PLAAT3: variants seen among roughly 807,000 people sequenced by gnomAD.
The protein encoded by PLAAT3 is phospholipase A and acyltransferase 3.
PLAAT3 carries 21 observed loss-of-function variants against 16.7 expected under a neutral mutation model. The observed-to-expected ratio is 1.26, with a 90% CI of 0.89 to 1.81. The LOEUF (loss-of-function observed/expected upper bound fraction) is 1.81. Ranked by LOEUF, PLAAT3 falls within the 40% of genes most tolerant of loss-of-function variation. PLAAT3 has a pLI of 0.00. For missense variants in PLAAT3, 219 were observed against 213.7 expected (o/e 1.02, Z -0.16); for synonymous variants, 76 against 81.7 (o/e 0.93, Z 0.38).
chr11:63,611,615 A>C (rs988260201), intron 2 of PLAAT3, among the ~76,000 whole-genome samples: 3 of 152,228 alleles, frequency 2.0e-5, no homozygotes, highest in African/African-American at 7.2e-5. Flanking sequence ...AACTCCATTT[A>C]TACAGTTTAT....
At chr11:63,615,812 C>G (rs1938859580), upstream of PLAAT3, among the ~76,000 whole-genome samples, 1 of 151,780 alleles carries the variant, frequency 6.6e-6, no homozygotes, top group Non-Finnish European at 1.5e-5. Context: ...GGATTACAGA[C>G]GTGCACCACC....
intron 2 of PLAAT3, among the ~76,000 whole-genome samples, chr11:63,605,879 GAACT>G (rs148354207): frequency 0.025 from 3,728 of 152,082 alleles, 166 homozygotes; most frequent in African/African-American, 0.085. Context: ...TTTAATTTAA[GAACT>G]AACGCACTGA....
chr11:63,585,157 C>T (rs1436538493), intron 4 of PLAAT3, among the ~76,000 whole-genome samples: 2 of 151,616 alleles, frequency 1.3e-5, no homozygotes, highest in African/African-American at 2.4e-5. Flanking sequence ...CCCGAGTAGC[C>T]GGGACTACCG....
At chr11:63,589,605 A>G (rs900455424) in intron 4 of PLAAT3, among the ~76,000 whole-genome samples, 2 of 152,182 alleles carry the variant, frequency 1.3e-5, no homozygotes, top group Non-Finnish European at 2.9e-5. Context: ...TGCTGTTTAT[A>G]AGCACGATCA....
At chr11:63,597,948 C>G (rs1250685140) in intron 3 of PLAAT3, 113 bp downstream of exon 3, 1 of 723,362 alleles carries the variant, frequency 1.4e-6, no homozygotes, top group Non-Finnish European at 2.4e-6. Context: ...TCAGAGACAA[C>G]TGCCAGTTGG....
chr11:63,578,238 G>A (rs919980480), intron 4 of PLAAT3, among the ~76,000 whole-genome samples: 12 of 151,776 alleles, frequency 7.9e-5, no homozygotes, highest in South Asian at 2.1e-4. Flanking sequence ...AGCTGAGATG[G>A]TGCCACTGCA....
At chr11:63,600,526 G>A (rs555025850) in intron 2 of PLAAT3, among the ~76,000 whole-genome samples, 43 of 152,228 alleles carry the variant, frequency 2.8e-4, no homozygotes, top group African/African-American at 9.2e-4. Flanking sequence ...AGCAAGAGGC[G>A]TGAGGGAATT....
chr11:63,597,209 C>T (rs916827854), intron 3 of PLAAT3, among the ~76,000 whole-genome samples: 4 of 151,978 alleles, frequency 2.6e-5, no homozygotes, highest in African/African-American at 9.7e-5. Flanking sequence ...CCCAGCCATG[C>T]AGAACTGTGA....
Position 63,580,824 on chromosome 11 carries a change from A to G in PLAAT3, c.388-5778T>C, listed in dbSNP as rs116241341. On this transcript the variant is annotated intron_variant, in intron 4 of 4. Transcript: ENST00000415826. ...AGCTTTGAAAATAGATGGGGACTAT[A>G]AGCCAAGGAATGCCAGTATGTTGTG... Among the ~76,000 whole-genome samples, 195 of 152,354 alleles carry G rather than the reference A, an allele frequency of 1.3e-3. 1 individual carries two copies. Among genetic ancestry groups the G allele is most frequent in the African/African-American group, 4.3e-3 (178 of 41,586 alleles).
chr11:63,606,011 C>T (rs1181575549), intron 2 of PLAAT3, among the ~76,000 whole-genome samples: 2 of 152,190 alleles, frequency 1.3e-5, no homozygotes, highest in Non-Finnish European at 2.9e-5. Context: ...GGTTCTCAGA[C>T]CTGAGCCTGC....
intron 3 of PLAAT3, among the ~76,000 whole-genome samples, chr11:63,592,240 C>A (rs558612539): frequency 6.6e-6 from 1 of 151,936 alleles, no homozygotes; most frequent in Non-Finnish European, 1.5e-5. Context: ...GATCTTGGCT[C>A]GCTGCAACCT....
At chr11:63,615,140 G>GTA (rs1285666170), upstream of PLAAT3, among the ~76,000 whole-genome samples, 21 of 62,460 alleles carry the variant, frequency 3.4e-4, 4 homozygotes, top group Admixed American at 8.3e-4. Flanking sequence ...ATGTATATGT[G>GTA]TATATGTGTG....
chr11:63,581,402 TG>T (rs927803940), intron 4 of PLAAT3, among the ~76,000 whole-genome samples: 3 of 152,158 alleles, frequency 2.0e-5, no homozygotes, highest in African/African-American at 7.2e-5. Context: ...ACGGCCGCTC[TG>T]GGAGTGTCTG....
At chr11:63,603,318 A>T (rs972934238) in intron 2 of PLAAT3, among the ~76,000 whole-genome samples, 2 of 152,070 alleles carry the variant, frequency 1.3e-5, no homozygotes, top group Non-Finnish European at 2.9e-5. Flanking sequence ...ACAGTGACCA[A>T]GGCTCTCCCA....
chr11:63,577,001 A>G (rs962848656), intron 4 of PLAAT3, among the ~76,000 whole-genome samples: 2 of 152,240 alleles, frequency 1.3e-5, no homozygotes, highest in African/African-American at 4.8e-5. Context: ...AACAAATTTA[A>G]GAGGAGAAAT....
intron 4 of PLAAT3, among the ~76,000 whole-genome samples, chr11:63,579,944 C>T (rs1199902923): frequency 6.6e-6 from 1 of 150,392 alleles, no homozygotes; most frequent in Non-Finnish European, 1.5e-5. Context: ...CCATTTCCAA[C>T]CTAGAATTCT....
At chr11:63,578,287 G>GAA (rs368825272) in intron 4 of PLAAT3, among the ~76,000 whole-genome samples, 3 of 121,412 alleles carry the variant, frequency 2.5e-5, no homozygotes, top group African/African-American at 9.0e-5. Context: ...AGTCTCAAAA[G>GAA]AAAAAAAAAA....
intron 2 of PLAAT3, among the ~76,000 whole-genome samples, chr11:63,600,583 G>GTTTT (rs1555045453): frequency 6.8e-5 from 9 of 132,622 alleles, no homozygotes; most frequent in Non-Finnish European, 9.7e-5. Context: ...TGGTTTTTTT[G>GTTTT]TTTTTTTTGT....
At chr11:63,615,190 ATGTG>A (rs1286404756), upstream of PLAAT3, among the ~76,000 whole-genome samples, 1 of 37,170 alleles carries the variant, frequency 2.7e-5, no homozygotes, top group African/African-American at 8.3e-5. Context: ...GTGTATATAT[ATGTG>A]TGTATATATG....
Sources: allele counts gnomAD v4.1 joint callset (sites outside exome capture counted in the v4.1 genomes callset), GRCh38; gene constraint gnomAD v4.1.1; transcripts MANE v1.5; gene names NCBI Gene and HGNC (gene_info 2026-07-23, HGNC 2026-07-21).